Variants in ADSL observed in about 807,000 individuals in gnomAD.
The protein encoded by ADSL is adenylosuccinate lyase.
A neutral mutation model predicts 62.1 loss-of-function variants in ADSL; 44 were observed. The observed-to-expected ratio is 0.71, with a 90% CI of 0.56 to 0.91. The LOEUF is 0.91. Among genes scored for constraint, ADSL ranks in the 40% least tolerant of loss-of-function variants. The pLI, the probability that ADSL is intolerant of heterozygous loss-of-function variation, is 0.00. For synonymous variants in ADSL, 198 were observed against 220.5 expected (o/e 0.90, Z 0.90); for missense variants, 531 against 627.4 (o/e 0.85, Z 1.64).
chr22:40,349,059 C>CTAA (rs1360138100), intron 1 of ADSL: 1 of 153,156 alleles, frequency 6.5e-6, no homozygotes, highest in Non-Finnish European at 1.5e-5. Flanking sequence ...GTAAATCCAT[C>CTAA]TAAGTAAAAT....
intron 2 of ADSL, among the ~76,000 whole-genome samples, chr22:40,378,744 C>A (rs1377235011): frequency 2.0e-5 from 3 of 151,714 alleles, no homozygotes; most frequent in Non-Finnish European, 4.4e-5. Context: ...CAGAACAAAA[C>A]CAATAATAAT....
At chr22:40,358,236 T>C (rs2044640147) in intron 4 of ADSL, among the ~76,000 whole-genome samples, 3 of 152,214 alleles carry the variant, frequency 2.0e-5, no homozygotes, top group African/African-American at 7.2e-5. Context: ...TTCTTACCAA[T>C]GTCTGTGGAT....
At chr22:40,360,358 C>T (rs1394656906) in intron 6 of ADSL, 44 bp from the exon 7 acceptor site, 4 of 1,540,200 alleles carry the variant, frequency 2.6e-6, no homozygotes, top group Non-Finnish European at 3.6e-6. Flanking sequence ...ACTGCAATGG[C>T]TTTAAAATAT....
chr22:40,375,297 A>T (rs2046361048), intron 2 of ADSL, among the ~76,000 whole-genome samples: 1 of 152,142 alleles, frequency 6.6e-6, no homozygotes, highest in South Asian at 2.1e-4. Flanking sequence ...TTAGATTGAT[A>T]GGCCGGTTGT....
In ADSL at chr22:40,362,977, C is replaced by G; in HGVS notation, c.1011-4C>G. On this transcript the variant is annotated splice_polypyrimidine_tract_variant and splice_region_variant and intron_variant, in intron 9 of 12. Transcript: ENST00000623063. The stretch of plus-strand genomic sequence containing the variant: ...GACATACTGAATGGCTATTTGTTTT[C>G]TAGACGGATCTGTTTGGCCGAGGCA... 2 of 1,612,436 alleles carry G rather than the reference C, an allele frequency of 1.2e-6. No individual in the cohort carries two copies. The highest frequency in any genetic ancestry group is 2.2e-5 in the South Asian group (2 of 91,048).
chr22:40,359,217 T>C lies in ADSL; in HGVS notation c.655-43T>C, dbSNP rs371075097. 3.7e-6 allele frequency: 6 copies of C among 1,609,374 alleles called. No individual in the cohort carries two copies. In the African/African-American group the frequency reaches 4.0e-5, roughly 11 times the overall value. ...ATGACAGGTTGAGGCATTCTCACAC[T>C]GGACACATGGATTATTATAAGGATG... On this transcript the variant is annotated intron_variant, in intron 5 of 12. Coordinates refer to ENST00000623063, the MANE Select transcript of ADSL (RefSeq NM_000026.4).
chr22:40,377,240 T>C (rs2046780865), intron 2 of ADSL, among the ~76,000 whole-genome samples: 2 of 152,234 alleles, frequency 1.3e-5, no homozygotes, highest in Admixed American at 1.3e-4. Context: ...CCAACAGATG[T>C]TAGGCAAATA....
At position 40,366,787 on chromosome 22, in the gene ADSL, G is replaced by A. The variant is rs541440663; in HGVS notation, c.*265G>A. On this transcript the variant is annotated 3_prime_UTR_variant, in exon 13 of 13. Coordinates refer to ENST00000623063, the MANE Select transcript of ADSL (RefSeq NM_000026.4). ...AAGGCATATTTTCCAGCTGCCTCAAGTTTAGTCCTTTTCACGTGTTCATTT... is the reference window on the plus strand; with the variant it reads ...AAGGCATATTTTCCAGCTGCCTCAAATTTAGTCCTTTTCACGTGTTCATTT... 39 of 424,754 alleles carry A rather than the reference G, an allele frequency of 9.2e-5. 1 individual carries two copies. The highest frequency in any genetic ancestry group is 8.1e-4 in the South Asian group (37 of 45,466). The allele number at this position is 424,754 out of a possible 1,614,324, so 26.3% of individuals were successfully genotyped here.
chr22:40,362,959 T>C (rs757620254), intron 9 of ADSL, 22 bp from the exon 10 acceptor site: 109 of 1,597,112 alleles, frequency 6.8e-5, no homozygotes, highest in Middle Eastern at 1.7e-4. Flanking sequence ...AAAGACATAC[T>C]GAATGGCTAT....
chr22:40,353,383 C>A (rs866886068), intron 3 of ADSL: 1 of 702,508 alleles, frequency 1.4e-6, no homozygotes, highest in African/African-American at 1.7e-5. Flanking sequence ...ACCTCCGCCT[C>A]CCAGGCTCAG....
rs533575650 is a variant in ADSL, at chr22:40,346,877, A to C, written c.153+166A>C. On this transcript the variant is annotated intron_variant, in intron 1 of 12. Coordinates refer to ENST00000623063, the MANE Select transcript of ADSL (RefSeq NM_000026.4). ...GCTGCGGCCCCAGGAAAGCAAGGGCAGGAGATCCGGGAGCCGCCACCTGTT... is the reference window on the plus strand; with the variant it reads ...GCTGCGGCCCCAGGAAAGCAAGGGCCGGAGATCCGGGAGCCGCCACCTGTT... Among the ~76,000 whole-genome samples the C allele has an allele frequency of 5.9e-5, 9 of 152,318 alleles. No homozygotes were observed. In the East Asian group the frequency reaches 1.7e-3, roughly 29 times the overall value.
In ADSL at chr22:40,346,582, T is replaced by C; in HGVS notation, c.24T>C (p.Gly8=). Residue 8 remains glycine, a synonymous_variant, in exon 1 of 13, where the codon GGT becomes GGC. Coordinates refer to ENST00000623063, the MANE Select transcript of ADSL (RefSeq NM_000026.4). The part of the protein sequence containing the change: MAAGGDH[G]SPDSYRSPLA... ...GGATGGCGGCTGGAGGCGATCATGGTTCGCCCGACAGCTACCGCTCACCTC... is the reference window on the plus strand; with the variant it reads ...GGATGGCGGCTGGAGGCGATCATGGCTCGCCCGACAGCTACCGCTCACCTC... 6.2e-7 allele frequency: 1 copy of C among 1,606,092 alleles called. No homozygotes were observed. The highest frequency in any genetic ancestry group is 8.5e-7 in the Non-Finnish European group (1 of 1,177,216).
chr22:40,354,741 T>C (rs923910401), intron 4 of ADSL, among the ~76,000 whole-genome samples: 5 of 151,930 alleles, frequency 3.3e-5, no homozygotes, highest in African/African-American at 1.2e-4. Flanking sequence ...TTTGGTAGCA[T>C]GCCTGTAATC....
chr22:40,371,685 C>G (rs568658549), downstream of ADSL, among the ~76,000 whole-genome samples: 1 of 151,682 alleles, frequency 6.6e-6, no homozygotes, highest in Non-Finnish European at 1.5e-5. Context: ...ATTTGTAATT[C>G]TTCTTTTCTT....
At chr22:40,377,700 G>A (rs2046874699) in intron 2 of ADSL, among the ~76,000 whole-genome samples, 1 of 152,042 alleles carries the variant, frequency 6.6e-6, no homozygotes, top group Admixed American at 6.5e-5. Context: ...ATTATAAATA[G>A]CTGGGCATGG....
At chr22:40,382,186 A>T (rs2047681527) in intron 2 of ADSL, among the ~76,000 whole-genome samples, 1 of 152,212 alleles carries the variant, frequency 6.6e-6, no homozygotes, top group Admixed American at 6.5e-5. Context: ...AAGAGTTGAG[A>T]GGAGACTGAA....
chr22:40,350,762 G>A (rs1000590797), intron 2 of ADSL, among the ~76,000 whole-genome samples: 2 of 151,920 alleles, frequency 1.3e-5, no homozygotes, highest in Non-Finnish European at 2.9e-5. Context: ...GGGATTCCAC[G>A]CGCCTGCCAC....
chr22:40,356,178 G>A (rs926719318), intron 4 of ADSL, among the ~76,000 whole-genome samples: 29 of 151,332 alleles, frequency 1.9e-4, no homozygotes, highest in African/African-American at 7.1e-4. Flanking sequence ...CTCCAGCCTA[G>A]GTGACAGAGC....
intron 2 of ADSL, among the ~76,000 whole-genome samples, chr22:40,351,016 CAG>C (rs1470187549): frequency 6.6e-6 from 1 of 151,762 alleles, no homozygotes; most frequent in Non-Finnish European, 1.5e-5. Flanking sequence ...TACTTTGAGA[CAG>C]GGTCTCGCTT....
Sources: allele counts gnomAD v4.1 joint callset (sites outside exome capture counted in the v4.1 genomes callset), GRCh38; gene constraint gnomAD v4.1.1; transcripts MANE v1.5; gene names NCBI Gene and HGNC (gene_info 2026-07-23, HGNC 2026-07-21).